The following SMOC1 variants were observed in gnomAD, a reference collection of about 807,000 sequenced individuals.
SMOC1 encodes the protein SPARC-related modular calcium-binding protein 1.
A neutral mutation model predicts 56.3 loss-of-function variants in SMOC1; 22 were observed. The observed-to-expected ratio is 0.39, with a 90% CI of 0.28 to 0.56. The LOEUF (loss-of-function observed/expected upper bound fraction) is 0.56, where lower values mean the gene tolerates loss of function less well. Among genes scored for constraint, SMOC1 ranks in the 20% least tolerant of loss-of-function variants. The pLI, the probability that SMOC1 is intolerant of heterozygous loss-of-function variation, is 0.61. For missense variants in SMOC1, 509 were observed against 565.4 expected, an observed-to-expected ratio of 0.90 and a Z score of 1.01; for synonymous variants, 193 against 215.0, an observed-to-expected ratio of 0.90 and a Z score of 0.89.
At chr14:69,938,975 T>A (rs764739935) in intron 1 of SMOC1, among the ~76,000 whole-genome samples, 19 of 152,336 alleles carry the variant, frequency 1.2e-4, no homozygotes, top group Non-Finnish European at 1.9e-4. Flanking sequence ...CATGTCGCTG[T>A]GTTCATCTGA....
chr14:69,915,718 T>G (rs985495630), intron 1 of SMOC1, among the ~76,000 whole-genome samples: 1 of 152,204 alleles, frequency 6.6e-6, no homozygotes, highest in Non-Finnish European at 1.5e-5. Context: ...ATACAGGCAA[T>G]GTTCAGACCT....
At chr14:69,946,425 G>C (rs1882787305) in intron 1 of SMOC1, among the ~76,000 whole-genome samples, 1 of 152,180 alleles carries the variant, frequency 6.6e-6, no homozygotes, top group South Asian at 2.1e-4. Flanking sequence ...AGAGACGACT[G>C]CAGATATACA....
intron 7 of SMOC1, among the ~76,000 whole-genome samples, chr14:69,999,427 G>T (rs528008462): frequency 1.3e-5 from 2 of 152,194 alleles, no homozygotes; most frequent in South Asian, 2.1e-4. Context: ...AGCGGTAGCC[G>T]TCGTAAGCAA....
At chr14:69,937,031 G>A (rs1349789118) in intron 1 of SMOC1, among the ~76,000 whole-genome samples, 2 of 152,138 alleles carry the variant, frequency 1.3e-5, no homozygotes, top group African/African-American at 4.8e-5. Context: ...AAAGTCTTGA[G>A]AACTGCATTG....
rs556284057 is a variant in SMOC1, at chr14:70,006,425, G to A, written c.665-4329G>A. Among the ~76,000 whole-genome samples the A allele has an allele frequency of 3.3e-5, 5 of 152,306 alleles. No individual in the cohort carries two copies. In the East Asian group the frequency reaches 9.6e-4, roughly 29 times the overall value. On this transcript the variant is annotated intron_variant, in intron 7 of 11. Coordinates refer to ENST00000361956, the MANE Select transcript of SMOC1 (RefSeq NM_001034852.3). Reference sequence around the variant, plus strand: ...ATTTGGGTCCTCAGATATGGAATAAGCTTATGCCCTGTGGTACTTACTGAT... The same window carrying A: ...ATTTGGGTCCTCAGATATGGAATAAACTTATGCCCTGTGGTACTTACTGAT...
intron 1 of SMOC1, among the ~76,000 whole-genome samples, chr14:69,945,865 G>A (rs1316592285): frequency 2.6e-5 from 4 of 152,194 alleles, no homozygotes; most frequent in Admixed American, 2.6e-4. Context: ...TGGTTGTTTA[G>A]CATGGCTATC....
At chr14:70,024,783 C>T (rs1885861816) in intron 11 of SMOC1, among the ~76,000 whole-genome samples, 1 of 152,154 alleles carries the variant, frequency 6.6e-6, no homozygotes, top group Non-Finnish European at 1.5e-5. Flanking sequence ...AGACTTTAGA[C>T]TTTATAAGGG....
chr14:69,932,196 G>A (rs998800399), intron 1 of SMOC1, among the ~76,000 whole-genome samples: 3 of 152,210 alleles, frequency 2.0e-5, no homozygotes, highest in African/African-American at 7.2e-5. Context: ...GTCCACCAGC[G>A]GGGTGCTTTG....
intron 3 of SMOC1, among the ~76,000 whole-genome samples, chr14:69,975,112 G>A (rs950685801): frequency 6.6e-6 from 1 of 152,164 alleles, no homozygotes; most frequent in Non-Finnish European, 1.5e-5. Context: ...GGGAGGCCGA[G>A]GCAGGTGAAT....
chr14:69,956,923 C>G (rs1437231579), intron 3 of SMOC1, among the ~76,000 whole-genome samples: 1 of 152,082 alleles, frequency 6.6e-6, no homozygotes, highest in Non-Finnish European at 1.5e-5. Flanking sequence ...TTTTCGAGCT[C>G]CCCAGGCGAT....
At chr14:69,947,926 C>A (rs749309549) in intron 1 of SMOC1, among the ~76,000 whole-genome samples, 2 of 152,190 alleles carry the variant, frequency 1.3e-5, no homozygotes, top group Non-Finnish European at 2.9e-5. Flanking sequence ...AGGATTAAGT[C>A]TTCCTCTTAT....
At chr14:69,986,128 T>C (rs1427620131) in intron 5 of SMOC1, among the ~76,000 whole-genome samples, 1 of 152,226 alleles carries the variant, frequency 6.6e-6, no homozygotes, top group African/African-American at 2.4e-5. Flanking sequence ...TCAAGGGCAT[T>C]ATGCAACATG....
intron 1 of SMOC1, among the ~76,000 whole-genome samples, chr14:69,913,455 C>CGTGTGTGTGTGTGTGTGCGT (rs1555358734): frequency 3.3e-5 from 5 of 150,788 alleles, no homozygotes; most frequent in African/African-American, 1.2e-4. Context: ...AATGAATTGG[C>CGTGTGTGTGTGTGTGTGCGT]GTGTGTGTGT....
At chr14:69,926,705 C>T (rs775430665) in intron 1 of SMOC1, among the ~76,000 whole-genome samples, 31 of 152,180 alleles carry the variant, frequency 2.0e-4, no homozygotes, top group Non-Finnish European at 4.4e-4. Context: ...CACTGGGGCC[C>T]CATCAGGGAT....
chr14:70,019,077 C>G (rs558668132), intron 10 of SMOC1, among the ~76,000 whole-genome samples: 17 of 152,322 alleles, frequency 1.1e-4, no homozygotes, highest in African/African-American at 4.1e-4. Flanking sequence ...GCATTGCAGC[C>G]AAGGCCTGGT....
intron 6 of SMOC1, 104 bp downstream of exon 6, chr14:69,992,577 CT>C: frequency 1.1e-6 from 1 of 942,104 alleles, no homozygotes. Context: ...TTATTATTTT[CT>C]TTTTTAATTT....
In SMOC1 at chr14:69,982,346, T is replaced by C. The variant is rs912695657; in HGVS notation, c.526+4381T>C. 4.6e-5 allele frequency among the ~76,000 whole-genome samples: 7 copies of C among 152,366 alleles called. No individual in the cohort carries two copies. The South Asian group carries it at 8.3e-4, about 18-fold the overall frequency. On this transcript the variant is annotated intron_variant, in intron 5 of 11. Coordinates refer to ENST00000361956, the MANE Select transcript of SMOC1 (RefSeq NM_001034852.3). ...AGAAGATCTCCCACTGGCTGTTCCA[T>C]AGTATGTGCTCCAAGTAAAGAGTGA...
At chr14:69,896,770 C>T (rs1490779233) in intron 1 of SMOC1, among the ~76,000 whole-genome samples, 2 of 152,190 alleles carry the variant, frequency 1.3e-5, no homozygotes, top group African/African-American at 2.4e-5. Flanking sequence ...CATGGTCTTC[C>T]TCCATGTGCC....
intron 1 of SMOC1, among the ~76,000 whole-genome samples, chr14:69,899,919 C>T (rs964698683): frequency 1.3e-5 from 2 of 152,220 alleles, no homozygotes; most frequent in Non-Finnish European, 2.9e-5. Flanking sequence ...ATCTGCCTGT[C>T]TGTCCAATTT....
Sources: gnomAD v4.1 joint callset for allele counts (sites outside exome capture counted in the v4.1 genomes callset) on GRCh38, gnomAD v4.1.1 for gene constraint, MANE v1.5 for transcripts, NCBI Gene and HGNC (gene_info 2026-07-23, HGNC 2026-07-21) for gene names.